ABCC1: variants seen among roughly 807,000 people sequenced by gnomAD.
ABCC1 encodes the protein multidrug resistance-associated protein 1.
ABCC1 carries 83 observed loss-of-function variants against 172.9 expected under a neutral mutation model. The ratio of observed to expected loss-of-function variants is 0.48; its 90% CI spans 0.40 to 0.58. The LOEUF (loss-of-function observed/expected upper bound fraction) is 0.58. Among genes scored for constraint, ABCC1 ranks in the 20% least tolerant of loss-of-function variants. The pLI is 0.00. For missense variants in ABCC1, 1,817 were observed against 2,002.7 expected (o/e 0.91, Z 1.77); for synonymous variants, 937 against 825.2 (o/e 1.14, Z -2.32).
intron 5 of ABCC1, among the ~76,000 whole-genome samples, chr16:16,019,560 A>C (rs1370302465): frequency 6.6e-6 from 1 of 152,134 alleles, no homozygotes; most frequent in Non-Finnish European, 1.5e-5. Context: ...GGAGCCTGGG[A>C]AGAGCTCTCT....
chr16:16,137,639 C>G (rs541186196), intron 29 of ABCC1, among the ~76,000 whole-genome samples: 1 of 145,478 alleles, frequency 6.9e-6, no homozygotes, highest in Non-Finnish European at 1.5e-5. Flanking sequence ...CTGCAACCTC[C>G]GCCCCCAGGC....
rs186383113 is a variant in ABCC1 at position 15,981,830 on chromosome 16, C to T, written c.49-25986C>T. Among the ~76,000 whole-genome samples, 23 of 152,268 alleles carry T rather than the reference C, an allele frequency of 1.5e-4. No homozygotes were observed. The East Asian group carries it at 4.2e-3, about 28-fold the overall frequency. On this transcript the variant is annotated intron_variant, in intron 1 of 30. Transcript: ENST00000399410. The stretch of plus-strand genomic sequence containing the variant: ...TTTTTCTTTTCCGTCACATCATCAC[C>T]CTTCCAATGTTTCAAACTTTTATGC...
intron 30 of ABCC1, among the ~76,000 whole-genome samples, chr16:16,140,433 C>T (rs952326222): frequency 2.0e-5 from 3 of 152,196 alleles, no homozygotes; most frequent in Non-Finnish European, 4.4e-5. Flanking sequence ...ACTGCGGCCT[C>T]AAGTGATCCT....
At position 16,125,965 on chromosome 16, in the gene ABCC1, A is replaced by C. The variant is rs1272894953; in HGVS notation, c.3819+54A>C. 21 of 1,409,176 alleles carry C rather than the reference A, an allele frequency of 1.5e-5. No homozygotes were observed. In the East Asian group the frequency reaches 3.4e-4, roughly 23 times the overall value. The allele number at this position is 1,409,176 out of a possible 1,614,324, so 87.3% of individuals were successfully genotyped here. ...TGGTCTTTGGTGTAGCTTTACCCCA[A>C]GGAGATCTCTGGACCCTATCCTGTG... is the stretch of plus-strand genomic sequence containing the variant. On this transcript the variant is annotated intron_variant, in intron 26 of 30. Transcript: ENST00000399410.
chr16:16,114,248 T>G (rs1230224784), intron 22 of ABCC1, among the ~76,000 whole-genome samples: 1 of 152,210 alleles, frequency 6.6e-6, no homozygotes, highest in Non-Finnish European at 1.5e-5. Flanking sequence ...AGAGTCATCA[T>G]AAAAATCAGT....
At position 16,138,565 on chromosome 16, in the gene ABCC1, C is replaced by A. The variant is rs1295631569; in HGVS notation, c.4487+7C>A. On this transcript the variant is annotated splice_region_variant and intron_variant, in intron 30 of 30. Coordinates refer to ENST00000399410, the MANE Select transcript of ABCC1 (RefSeq NM_004996.4). The stretch of plus-strand genomic sequence containing the variant: ...CCATCATGGACTACACAAGGTGATG[C>A]CACTGGCACAGTGGCCTCTAGGCTT... 6.4e-6 allele frequency: 10 copies of A among 1,568,260 alleles called. No homozygotes were observed. Among genetic ancestry groups the A allele is most frequent in the Non-Finnish European group, 8.7e-6 (10 of 1,148,870 alleles).
At chr16:16,108,001 C>T (rs114109349) in intron 21 of ABCC1, among the ~76,000 whole-genome samples, 3 of 151,922 alleles carry the variant, frequency 2.0e-5, no homozygotes, top group African/African-American at 7.3e-5. Flanking sequence ...CTGGCTTCTT[C>T]CTTAACTTGT....
intron 5 of ABCC1, among the ~76,000 whole-genome samples, chr16:16,024,340 C>T (rs1310750715): frequency 6.6e-6 from 1 of 151,908 alleles, no homozygotes; most frequent in Non-Finnish European, 1.5e-5. Context: ...ACAATAAGGA[C>T]TTGGAATTTT....
chr16:16,022,718 TATA>T (rs1262795411), intron 5 of ABCC1, among the ~76,000 whole-genome samples: 3 of 152,166 alleles, frequency 2.0e-5, no homozygotes, highest in African/African-American at 7.2e-5. Context: ...GTCCTGTCTG[TATA>T]ATATGTAATA....
intron 22 of ABCC1, 23 bp downstream of exon 22, chr16:16,111,605 C>T: frequency 6.3e-7 from 1 of 1,598,506 alleles, no homozygotes; most frequent in Non-Finnish European, 8.5e-7. Context: ...GTCTCCCACC[C>T]CGCCTGATTT....
At position 15,976,124 on chromosome 16, in the gene ABCC1, C is replaced by T. The variant is rs1055558620; in HGVS notation, c.48+26325C>T. On this transcript the variant is annotated intron_variant, in intron 1 of 30. Coordinates refer to ENST00000399410, the MANE Select transcript of ABCC1 (RefSeq NM_004996.4). Reference sequence around the variant, plus strand: ...CTACTAAAATATAAAATCAATCAGGCGTGGTGATGGCACATGCCTGTGATC... The same window carrying T: ...CTACTAAAATATAAAATCAATCAGGTGTGGTGATGGCACATGCCTGTGATC... Among the ~76,000 whole-genome samples, 7 of 151,852 alleles carry T rather than the reference C, an allele frequency of 4.6e-5. No homozygotes were observed. The South Asian group carries it at 6.3e-4, about 14-fold the overall frequency.
intron 13 of ABCC1, 36 bp from the exon 14 acceptor site, chr16:16,071,606 A>T (rs2050350286): frequency 1.3e-6 from 2 of 1,595,184 alleles, no homozygotes; most frequent in Non-Finnish European, 1.7e-6. Flanking sequence ...AATGCTTTTT[A>T]AAAATAACTC....
At chr16:16,023,141 T>C (rs2048250744) in intron 5 of ABCC1, among the ~76,000 whole-genome samples, 1 of 152,196 alleles carries the variant, frequency 6.6e-6, no homozygotes, top group Non-Finnish European at 1.5e-5. Flanking sequence ...CTTGAACTCC[T>C]GGCCTCAAGC....
In ABCC1 at chr16:16,098,371, C is replaced by T. The variant is rs533626849; in HGVS notation, c.2645-4256C>T. 56 of 195,626 alleles carry T rather than the reference C, an allele frequency of 2.9e-4. 1 individual carries two copies. In the South Asian group the frequency reaches 5.9e-3, roughly 20 times the overall value. The allele number at this position is 195,626 out of a possible 1,614,324, so 12.1% of individuals were successfully genotyped here. A position where few individuals can be genotyped will look rare whatever the true frequency, so the allele number is the denominator to read the frequency against. On this transcript the variant is annotated intron_variant, in intron 19 of 30. Transcript: ENST00000399410. ...TGGTGGCTCACGCCTGTAATCCTAG[C>T]ACTTTGGGAGGCCAAGGCAGGTGTA...
intron 1 of ABCC1, among the ~76,000 whole-genome samples, chr16:15,970,335 C>G (rs904196457): frequency 2.0e-5 from 3 of 152,190 alleles, no homozygotes; most frequent in East Asian, 1.9e-4. Context: ...AGGTTGCCTA[C>G]GTCTCTCCTC....
intron 5 of ABCC1, among the ~76,000 whole-genome samples, chr16:16,026,620 T>C (rs2048384027): frequency 6.6e-6 from 1 of 150,700 alleles, no homozygotes; most frequent in Non-Finnish European, 1.5e-5. Flanking sequence ...AGTGTGCAAA[T>C]TAGAAATGGC....
intron 5 of ABCC1, among the ~76,000 whole-genome samples, chr16:16,020,121 C>T (rs1018560537): frequency 1.3e-5 from 2 of 152,278 alleles, no homozygotes; most frequent in East Asian, 3.9e-4. Context: ...GGGGTTTCAC[C>T]GTGTTGGCCA....
intron 1 of ABCC1, among the ~76,000 whole-genome samples, chr16:15,977,963 T>C (rs2046530243): frequency 6.6e-6 from 1 of 152,146 alleles, no homozygotes; most frequent in Non-Finnish European, 1.5e-5. Flanking sequence ...GCAAGTTGCT[T>C]TACTTCTCTG....
chr16:16,079,613 G>T (rs779966389), intron 16 of ABCC1, 135 bp downstream of exon 16: 4 of 1,139,386 alleles, frequency 3.5e-6, no homozygotes, highest in Non-Finnish European at 4.8e-6. Context: ...TCCTCCTCCT[G>T]TATCTTTCCA....
Sources: allele counts gnomAD v4.1 joint callset (sites outside exome capture counted in the v4.1 genomes callset), GRCh38; gene constraint gnomAD v4.1.1; transcripts MANE v1.5; gene names NCBI Gene and HGNC (gene_info 2026-07-23, HGNC 2026-07-21).